LLGL2: variants seen among roughly 807,000 people sequenced by gnomAD.
LLGL2 encodes LLGL scribble cell polarity complex component 2.
Under a neutral mutation model 123.2 loss-of-function variants are expected in LLGL2, and 81 were observed. The observed-to-expected ratio is 0.66, with a 90% CI of 0.55 to 0.79. The LOEUF (loss-of-function observed/expected upper bound fraction) is 0.79. LLGL2 is among the 30% of genes least tolerant of loss of function. The pLI is 0.00. For missense variants in LLGL2, 1,273 were observed against 1,414.6 expected (o/e 0.90, Z 1.61); for synonymous variants, 577 against 594.1 (o/e 0.97, Z 0.42).
chr17:75,555,392 T>C (rs373790900), intron 2 of LLGL2, among the ~76,000 whole-genome samples: 2 of 151,672 alleles, frequency 1.3e-5, no homozygotes, highest in African/African-American at 2.4e-5. Flanking sequence ...TTTTTGTTCT[T>C]AAACATCTTT....
chr17:75,574,436 T>C lies in LLGL2; in HGVS notation c.2954-17T>C. ...CCCAAGGGCCTCAGTGGGCCTCTGT[T>C]CCCACCCGGCCTGCAGGAGTCCTGA... On this transcript the variant is annotated splice_polypyrimidine_tract_variant and intron_variant, in intron 23 of 25. Coordinates refer to ENST00000392550, the MANE Select transcript of LLGL2 (RefSeq NM_001031803.2). The C allele has an allele frequency of 6.5e-7, 1 of 1,548,536 alleles. No individual in the cohort carries two copies. The highest frequency in any genetic ancestry group is 8.7e-7 in the Non-Finnish European group (1 of 1,147,230).
intron 17 of LLGL2, chr17:75,571,328 C>T (rs1226078228): frequency 8.5e-6 from 5 of 587,806 alleles, no homozygotes; most frequent in Non-Finnish European, 1.5e-5. Context: ...CCTTTAGAAG[C>T]ATGGCCTCAG....
At chr17:75,554,757 CG>C (rs1233580516) in intron 2 of LLGL2, among the ~76,000 whole-genome samples, 3 of 147,152 alleles carry the variant, frequency 2.0e-5, no homozygotes, top group African/African-American at 7.6e-5. Context: ...GGCGTGGTGG[CG>C]GGCGCCTGTA....
intron 19 of LLGL2, among the ~76,000 whole-genome samples, 188 bp from the exon 20 acceptor site, chr17:75,572,824 GAA>G (rs369484057): frequency 2.8e-5 from 4 of 144,252 alleles, no homozygotes; most frequent in East Asian, 2.0e-4. Context: ...CATCTCGGAG[GAA>G]AAAAAAAAAA....
chr17:75,553,440 C>T (rs941178243), intron 2 of LLGL2, among the ~76,000 whole-genome samples: 1 of 152,240 alleles, frequency 6.6e-6, no homozygotes, highest in Non-Finnish European at 1.5e-5. Flanking sequence ...ACTAGACTGA[C>T]TGATGGGGGA....
chr17:75,561,238 G>T (rs1457365163), intron 6 of LLGL2, among the ~76,000 whole-genome samples: 1 of 152,200 alleles, frequency 6.6e-6, no homozygotes, highest in African/African-American at 2.4e-5. Flanking sequence ...CTGTCCTAAA[G>T]ATATAGGATA....
intron 19 of LLGL2, among the ~76,000 whole-genome samples, chr17:75,572,614 G>A (rs550918411): frequency 5.5e-5 from 8 of 146,626 alleles, no homozygotes; most frequent in African/African-American, 1.0e-4. Flanking sequence ...GCAGTGAGCC[G>A]AGATTGTGCC....
At chr17:75,563,228 C>A (rs756039105) in intron 7 of LLGL2, 50 bp downstream of exon 7, 1 of 1,609,830 alleles carries the variant, frequency 6.2e-7, no homozygotes, top group Non-Finnish European at 8.5e-7. Flanking sequence ...TCCCAGGGCC[C>A]CAAGTGGCAC....
intron 1 of LLGL2, among the ~76,000 whole-genome samples, chr17:75,535,023 G>C (rs1193835381): frequency 6.6e-6 from 1 of 152,208 alleles, no homozygotes; most frequent in East Asian, 1.9e-4. Flanking sequence ...TTTCAGCCAA[G>C]GTTTGGTTGC....
At chr17:75,532,119 G>A (rs1354463470) in intron 1 of LLGL2, among the ~76,000 whole-genome samples, 2 of 132,842 alleles carry the variant, frequency 1.5e-5, no homozygotes, top group African/African-American at 5.8e-5. Context: ...CTTACTCTGT[G>A]GCCCAGGTTG....
In LLGL2 at chr17:75,568,103, C is replaced by T; in HGVS notation, c.1037-373C>T. 5 of 1,155,066 alleles carry T rather than the reference C, an allele frequency of 4.3e-6. No homozygotes were observed. In the South Asian group the frequency reaches 8.4e-5, roughly 20 times the overall value. The allele number at this position is 1,155,066 out of a possible 1,614,324, so 71.6% of individuals were successfully genotyped here. A position where few individuals can be genotyped will look rare whatever the true frequency, so the allele number is the denominator to read the frequency against. ...GTGCTGAAGACCACGCGTGCTGCTG[C>T]CTGTGGGGAGAGGCTTGACAGGTGC... On this transcript the variant is annotated intron_variant, in intron 10 of 25. Transcript: ENST00000392550.
At position 75,544,890 on chromosome 17, in the gene LLGL2, G is replaced by T. The variant is rs967692670; in HGVS notation, c.75+1389G>T. Among the ~76,000 whole-genome samples, 15 of 152,126 alleles carry T rather than the reference G, an allele frequency of 9.9e-5. No individual in the cohort carries two copies. Among genetic ancestry groups the T allele is most frequent in the African/African-American group, 3.6e-4 (15 of 41,404 alleles). On this transcript the variant is annotated intron_variant, in intron 2 of 25. Coordinates refer to ENST00000392550, the MANE Select transcript of LLGL2 (RefSeq NM_001031803.2). This position sits in a 1 kb window ranked among gnomAD's most constrained non-coding sequence, Gnocchi z 4.2. ...GTGCCTCCTGCCAGCTCGCTTTTGG[G>T]CCTTGGGATATGGGGGTGCAGGTGT...
At chr17:75,568,722 C>A (rs149945830) in intron 11 of LLGL2, 29 bp downstream of exon 11, 877 of 1,613,068 alleles carry the variant, frequency 5.4e-4, no homozygotes, top group Non-Finnish European at 6.9e-4. Context: ...CCAGCCCCAG[C>A]CCCACCGCAA....
chr17:75,572,575 G>A (rs1357631915), intron 19 of LLGL2, among the ~76,000 whole-genome samples: 1 of 151,350 alleles, frequency 6.6e-6, no homozygotes, highest in Middle Eastern at 3.2e-3. Flanking sequence ...TGAGGCAGGA[G>A]AATGGCGTGA....
rs1349261977 is a variant in LLGL2, at chr17:75,568,546, A to G, written c.1107A>G (p.Ala369=). 1.9e-6 allele frequency: 3 copies of G among 1,613,692 alleles called. No homozygotes were observed. The South Asian group carries it at 3.3e-5, about 18-fold the overall frequency. Residue 369 remains alanine (A), a synonymous_variant, in exon 11 of 26, where the codon GCA becomes GCG. Transcript: ENST00000392550. ...EELVVIDLQT[A]GWPPVQLPYL... ...TGGTGGTGATTGACCTGCAGACAGCAGGCTGGCCACCGGTCCAGCTGCCCT... is the reference window on the plus strand; with the variant it reads ...TGGTGGTGATTGACCTGCAGACAGCGGGCTGGCCACCGGTCCAGCTGCCCT...
At position 75,571,076 on chromosome 17, in the gene LLGL2, T is replaced by G; in HGVS notation, c.2152T>G (p.Phe718Val). The change falls in exon 17 of 26, where the codon TTT (phenylalanine) becomes GTT (valine). Residue 718 changes from phenylalanine (F) to valine (V), a missense_variant. Coordinates refer to ENST00000392550, the MANE Select transcript of LLGL2 (RefSeq NM_001031803.2). ...CACAGGCTTCGTCCGGACCCTGTACTTTGCTGACACCTACCTGAAGGACAG... is the reference window on the plus strand; with the variant it reads ...CACAGGCTTCGTCCGGACCCTGTACGTTGCTGACACCTACCTGAAGGACAG... The part of the protein sequence containing the change: ...SFTGFVRTLY[F>V]ADTYLKDSSR... 1 of 1,612,314 alleles carries G rather than the reference T, an allele frequency of 6.2e-7. No individual in the cohort carries two copies. The highest frequency in any genetic ancestry group is 8.5e-7 in the Non-Finnish European group (1 of 1,179,514).
chr17:75,535,892 C>A (rs1338306004), intron 1 of LLGL2, among the ~76,000 whole-genome samples: 1 of 152,102 alleles, frequency 6.6e-6, no homozygotes, highest in Non-Finnish European at 1.5e-5. Flanking sequence ...CAGGTGCAGA[C>A]GTGGGTGAGT....
At chr17:75,569,720 T>G (rs1365851516) in intron 14 of LLGL2, among the ~76,000 whole-genome samples, 2 of 151,652 alleles carry the variant, frequency 1.3e-5, no homozygotes, top group Admixed American at 6.6e-5. Context: ...AGAGAATCAC[T>G]TGAACCTGGG....
intron 2 of LLGL2, among the ~76,000 whole-genome samples, chr17:75,554,612 C>T (rs2054822002): frequency 6.6e-6 from 1 of 150,868 alleles, no homozygotes; most frequent in Non-Finnish European, 1.5e-5. Flanking sequence ...GAGTGAGACC[C>T]TCAAAAAAGA....
Sources: allele counts gnomAD v4.1 joint callset (sites outside exome capture counted in the v4.1 genomes callset), GRCh38; gene constraint gnomAD v4.1.1; non-coding constraint Gnocchi (gnomAD v3.1); transcripts MANE v1.5; gene names NCBI Gene and HGNC (gene_info 2026-07-23, HGNC 2026-07-21).